The following SYNE2 variants were observed in gnomAD, a reference collection of about 807,000 sequenced individuals.
SYNE2 encodes the protein spectrin repeat containing nuclear envelope protein 2.
SYNE2 carries 431 observed loss-of-function variants against 856.3 expected under a neutral mutation model. The observed-to-expected ratio is 0.50, with a 90% CI of 0.47 to 0.55. The LOEUF (loss-of-function observed/expected upper bound fraction) is 0.55. SYNE2 is among the 20% of genes least tolerant of loss of function. The pLI is 0.00. For synonymous variants in SYNE2, 2,923 were observed against 2,872.3 expected, an observed-to-expected ratio of 1.02 and a Z score of -0.56; for missense variants, 8,129 against 8,023.2, an observed-to-expected ratio of 1.01 and a Z score of -0.50.
Position 63,982,844 on chromosome 14 carries a change from C to T in SYNE2, c.2001+50C>T, listed in dbSNP as rs571033412. 35 of 1,570,392 alleles carry T rather than the reference C, an allele frequency of 2.2e-5. 1 individual carries two copies. The South Asian group carries it at 3.5e-4, about 16-fold the overall frequency. On this transcript the variant is annotated intron_variant, in intron 17 of 115. Transcript: ENST00000555002. Reference sequence around the variant, plus strand: ...CTTTATTTAGATATGATTCATGTACCACACAATTTACTCATTGTAAGTTCA... The same window carrying T: ...CTTTATTTAGATATGATTCATGTACTACACAATTTACTCATTGTAAGTTCA...
intron 94 of SYNE2, among the ~76,000 whole-genome samples, chr14:64,171,553 ACTGAAT>A (rs2098410798): frequency 6.6e-6 from 1 of 152,148 alleles, no homozygotes; most frequent in Admixed American, 6.5e-5. Context: ...TTAACCTGGG[ACTGAAT>A]GATGAGAAGG....
chr14:63,934,756 A>G (rs1389159863), intron 2 of SYNE2, among the ~76,000 whole-genome samples: 1 of 151,986 alleles, frequency 6.6e-6, no homozygotes, highest in Non-Finnish European at 1.5e-5. Context: ...ACTATTGCTG[A>G]TTAGTTTCTT....
chr14:63,938,740 G>A (rs555107190), intron 2 of SYNE2, among the ~76,000 whole-genome samples: 1 of 152,258 alleles, frequency 6.6e-6, no homozygotes, highest in Non-Finnish European at 1.5e-5. Flanking sequence ...AGCAGGAAGG[G>A]AAAGCCTCAA....
chr14:64,119,289 T>C (rs989964008), intron 66 of SYNE2, 138 bp from the exon 67 acceptor site: 1 of 1,142,410 alleles, frequency 8.8e-7, no homozygotes, highest in Non-Finnish European at 1.2e-6. Context: ...GTTTTTGTTT[T>C]TCCAGGGTTT....
rs139166252 is a variant in SYNE2 at position 63,888,700 on chromosome 14, A to G, written c.-51-20398A>G. Among the ~76,000 whole-genome samples, 9 of 152,326 alleles carry G rather than the reference A, an allele frequency of 5.9e-5. No individual in the cohort carries two copies. The East Asian group carries it at 1.5e-3, about 26-fold the overall frequency. ...TGACAAGTAAAAATGAATGAAAGCT[A>G]AACAGTAACAGAACATTTTCTACCC... On this transcript the variant is annotated intron_variant, in intron 1 of 115. Coordinates refer to ENST00000555002, the MANE Select transcript of SYNE2 (RefSeq NM_182914.3).
At chr14:64,107,733 TGAAG>T in intron 65 of SYNE2, 126 bp downstream of exon 65, 3 of 814,576 alleles carry the variant, frequency 3.7e-6, no homozygotes, top group Non-Finnish European at 6.6e-6. Context: ...CTTTAACATA[TGAAG>T]ATATGTGCTG....
chr14:63,873,137 C>T (rs2094627047), intron 1 of SYNE2, among the ~76,000 whole-genome samples: 1 of 152,148 alleles, frequency 6.6e-6, no homozygotes, highest in African/African-American at 2.4e-5. Context: ...ACAGCTTTGC[C>T]TTTCCGATAT....
intron 1 of SYNE2, among the ~76,000 whole-genome samples, chr14:63,797,257 G>A (rs775972009): frequency 6.6e-6 from 1 of 151,428 alleles, no homozygotes; most frequent in Non-Finnish European, 1.5e-5. Flanking sequence ...TGGGCATGGT[G>A]GCGTGTGCCC....
intron 70 of SYNE2, among the ~76,000 whole-genome samples, chr14:64,123,736 G>A (rs1204338555): frequency 6.6e-6 from 1 of 152,134 alleles, no homozygotes; most frequent in Non-Finnish European, 1.5e-5. Flanking sequence ...AACAAATCAA[G>A]ATGCAAACCC....
chr14:63,765,810 T>C (rs1454726903), intron 1 of SYNE2, among the ~76,000 whole-genome samples: 1 of 152,170 alleles, frequency 6.6e-6, no homozygotes, highest in African/African-American at 2.4e-5. Context: ...AAGTTTCATT[T>C]TGCATCTTCA....
intron 51 of SYNE2, among the ~76,000 whole-genome samples, chr14:64,066,634 A>G (rs1365266363): frequency 6.6e-6 from 1 of 152,224 alleles, no homozygotes; most frequent in Non-Finnish European, 1.5e-5. Flanking sequence ...AGGCCTGACT[A>G]GTGAATAGTC....
chr14:63,903,659 C>T (rs551344401), intron 1 of SYNE2, among the ~76,000 whole-genome samples: 205 of 152,300 alleles, frequency 1.3e-3, no homozygotes, highest in Admixed American at 2.4e-3. Context: ...GTGAATTCCA[C>T]ATGCCGGTTG....
intron 1 of SYNE2, among the ~76,000 whole-genome samples, chr14:63,765,421 C>A (rs112706486): frequency 2.0e-5 from 3 of 152,076 alleles, no homozygotes; most frequent in African/African-American, 7.2e-5. Context: ...GGTGCGATCT[C>A]GGCTCACTGC....
chr14:64,160,369 G>A (rs2098319661), intron 87 of SYNE2, among the ~76,000 whole-genome samples: 1 of 152,192 alleles, frequency 6.6e-6, no homozygotes, highest in African/African-American at 2.4e-5. Flanking sequence ...CAAAAAGACT[G>A]AAGAGAAGAA....
In SYNE2 at chr14:64,049,840, T is replaced by C; in HGVS notation, c.7607T>C (p.Met2536Thr). The change falls in exon 47 of 116, where the codon ATG becomes ACG. Residue 2536 changes from methionine to threonine, a missense_variant. Met to Thr is a moderately conservative substitution (Grantham distance 81, BLOSUM62 -1). Transcript: ENST00000555002. The part of the protein sequence containing the change: ...QEYLAAVESS[M>T]KALLTDKESL... ...TACCTTGCTGCAGTTGAATCTTCAATGAAAGCCTTGTTGACAGACAAGGAA... is the reference window on the plus strand; with the variant it reads ...TACCTTGCTGCAGTTGAATCTTCAACGAAAGCCTTGTTGACAGACAAGGAA... 6.2e-7 allele frequency: 1 copy of C among 1,614,110 alleles called. No individual in the cohort carries two copies. Among genetic ancestry groups the C allele is most frequent in the Non-Finnish European group, 8.5e-7 (1 of 1,179,982 alleles).
At chr14:63,803,623 C>T (rs1888247497) in intron 1 of SYNE2, among the ~76,000 whole-genome samples, 1 of 152,210 alleles carries the variant, frequency 6.6e-6, no homozygotes, top group Non-Finnish European at 1.5e-5. Flanking sequence ...GCACGCAGCC[C>T]CGGTTCCTGC....
chr14:64,110,415 T>A (rs1449366804), intron 65 of SYNE2, among the ~76,000 whole-genome samples: 1 of 152,182 alleles, frequency 6.6e-6, no homozygotes, highest in African/African-American at 2.4e-5. Flanking sequence ...ACTTGTAGAT[T>A]CCAAAGTGTA....
intron 94 of SYNE2, among the ~76,000 whole-genome samples, chr14:64,172,356 C>G (rs902502361): frequency 6.6e-6 from 1 of 152,146 alleles, no homozygotes; most frequent in African/African-American, 2.4e-5. Context: ...CTGGTGTCAT[C>G]TGAAGCTCAC....
intron 96 of SYNE2, among the ~76,000 whole-genome samples, chr14:64,185,428 T>C (rs2098483765): frequency 6.6e-6 from 1 of 152,038 alleles, no homozygotes; most frequent in Non-Finnish European, 1.5e-5. Context: ...CCTTCCCTGC[T>C]GTGAAAGTAA....
Sources: allele counts gnomAD v4.1 joint callset (sites outside exome capture counted in the v4.1 genomes callset), GRCh38; gene constraint gnomAD v4.1.1; transcripts MANE v1.5; gene names NCBI Gene and HGNC (gene_info 2026-07-23, HGNC 2026-07-21).